TLK1: variants seen among roughly 807,000 people sequenced by gnomAD.
TLK1 encodes the protein tousled like kinase 1, also known as serine/threonine-protein kinase tousled-like 1.
Under a neutral mutation model 105.3 loss-of-function variants are expected in TLK1, and 24 were observed. The ratio of observed to expected loss-of-function variants is 0.23; its 90% CI spans 0.17 to 0.32. TLK1 has a LOEUF of 0.32. Ranked by LOEUF, TLK1 falls within the 10% of genes least tolerant of loss-of-function variation. TLK1 has a pLI of 1.00. For missense variants in TLK1, 558 were observed against 910.5 expected (o/e 0.61, Z 4.98); for synonymous variants, 321 against 310.4 (o/e 1.03, Z -0.36).
chr2:171,153,898 T>C (rs1418622765), intron 1 of TLK1: 1 of 152,276 alleles, frequency 6.6e-6, no homozygotes, highest in African/African-American at 2.4e-5. Context: ...AGATGTTTTC[T>C]TTTTTCTTTT....
At chr2:171,067,039 A>T in intron 3 of TLK1, 1 of 1,445,660 alleles carries the variant, frequency 6.9e-7, no homozygotes, top group Non-Finnish European at 9.2e-7. Context: ...GGAGTAACAT[A>T]CTCCTGTATC....
chr2:171,043,164 C>T (rs954106321), intron 11 of TLK1, among the ~76,000 whole-genome samples: 7 of 152,048 alleles, frequency 4.6e-5, no homozygotes, highest in African/African-American at 1.7e-4. Context: ...AGTGTCATCA[C>T]CTGAGTGGAC....
chr2:171,038,467 G>A lies in TLK1; in HGVS notation c.1169+7707C>T, dbSNP rs140704090. Among the ~76,000 whole-genome samples, 993 of 151,872 alleles carry A rather than the reference G, an allele frequency of 6.5e-3. 8 individuals carry two copies. The highest frequency in any genetic ancestry group is 0.015 in the African/African-American group (604 of 41,412). The stretch of plus-strand genomic sequence containing the variant: ...ATAACTAAAGCTATAATTTTCTCTC[G>A]ATACTCTTTCAGATACATTTTACCA... On this transcript the variant is annotated intron_variant, in intron 11 of 20. Coordinates refer to ENST00000431350, the MANE Select transcript of TLK1 (RefSeq NM_012290.5).
In TLK1 at chr2:170,993,380, G is replaced by C. The variant is rs1168905118; in HGVS notation, c.*400C>G. ...AGAAATATGTCTCATATTTTTCCATGTGTTTTTAAATAATGAAAAACTACC... is the reference window on the plus strand; with the variant it reads ...AGAAATATGTCTCATATTTTTCCATCTGTTTTTAAATAATGAAAAACTACC... On this transcript the variant is annotated 3_prime_UTR_variant, in exon 21 of 21. Coordinates refer to ENST00000431350, the MANE Select transcript of TLK1 (RefSeq NM_012290.5). 6.4e-6 allele frequency: 1 copy of C among 155,620 alleles called. No homozygotes were observed. The allele number at this position is 155,620 out of a possible 1,614,324, so 9.6% of individuals were successfully genotyped here.
intron 3 of TLK1, chr2:171,067,093 T>G: frequency 1.0e-6 from 1 of 976,688 alleles, no homozygotes; most frequent in Non-Finnish European, 1.4e-6. Flanking sequence ...CCTAGGTCTG[T>G]ACAATTATTT....
rs763983398 is a variant in TLK1 at position 171,006,460 on chromosome 2, A to C, written c.1768+14T>G. 9.6e-6 allele frequency: 15 copies of C among 1,556,766 alleles called. No homozygotes were observed. The highest frequency in any genetic ancestry group is 1.4e-5 in the African/African-American group (1 of 72,306). On this transcript the variant is annotated intron_variant, in intron 17 of 20. Transcript: ENST00000431350. ...ACTCAAGTTTAAAAAAAATTAGACA[A>C]ATTTCATAATTACCTGGCTTAAGAT...
intron 3 of TLK1, chr2:171,081,686 T>G (rs1688760141): frequency 3.1e-6 from 4 of 1,304,280 alleles, no homozygotes; most frequent in Non-Finnish European, 3.0e-6. Context: ...TGCACAGTCC[T>G]TTCAGCTGCC....
At chr2:171,033,734 A>G (rs1575534701) in intron 11 of TLK1, among the ~76,000 whole-genome samples, 1 of 150,324 alleles carries the variant, frequency 6.7e-6, no homozygotes, top group East Asian at 2.0e-4. Context: ...GTAGGCAAAC[A>G]CCACAATTAC....
intron 1 of TLK1, among the ~76,000 whole-genome samples, chr2:171,131,236 T>G (rs945880039): frequency 1.3e-5 from 2 of 152,166 alleles, no homozygotes; most frequent in Non-Finnish European, 2.9e-5. Flanking sequence ...CACAGGAAGT[T>G]ACAGACACTC....
chr2:171,051,585 T>G, intron 8 of TLK1, among the ~76,000 whole-genome samples: 1 of 152,216 alleles, frequency 6.6e-6, no homozygotes, highest in East Asian at 1.9e-4. Context: ...ACAAGGTCCC[T>G]TATGATACTG....
chr2:171,100,942 GAACA>G (rs1034959591), intron 2 of TLK1, among the ~76,000 whole-genome samples: 1 of 152,082 alleles, frequency 6.6e-6, no homozygotes, highest in African/African-American at 2.4e-5. Flanking sequence ...ACTCACAAAA[GAACA>G]AACAAAATGT....
In TLK1 at chr2:171,127,293, AG is replaced by A. The variant is rs372576048; in HGVS notation, c.140-9437del. 6.8e-3 allele frequency among the ~76,000 whole-genome samples: 414 copies of A among 60,972 alleles called. 3 individuals carry two copies. The highest frequency in any genetic ancestry group is 0.02 in the African/African-American group (162 of 8,060). 40.0% of individuals were successfully genotyped at this position (60,972 alleles called of 152,430 possible). A position where few individuals can be genotyped will look rare whatever the true frequency, so the allele number is the denominator to read the frequency against. On this transcript the variant is annotated intron_variant, in intron 1 of 20. Coordinates refer to ENST00000431350, the MANE Select transcript of TLK1 (RefSeq NM_012290.5). The stretch of plus-strand genomic sequence containing the variant: ...CTCCCGTCTCAAAAAAAAAAAAAAA[AG>A]AAAGAAAAAATTCAAGAAGTCTATA...
chr2:171,157,774 G>A (rs1195588422), intron 1 of TLK1, among the ~76,000 whole-genome samples: 1 of 152,154 alleles, frequency 6.6e-6, no homozygotes, highest in Non-Finnish European at 1.5e-5. Context: ...TCAAAGTTAA[G>A]TCTGCCTAAA....
intron 3 of TLK1, among the ~76,000 whole-genome samples, chr2:171,074,720 T>G (rs1302907737): frequency 6.6e-6 from 1 of 151,200 alleles, no homozygotes; most frequent in African/African-American, 2.4e-5. Flanking sequence ...GAGAACATAC[T>G]AGCAGGAAGA....
At chr2:171,105,425 C>T (rs1205149480) in intron 2 of TLK1, among the ~76,000 whole-genome samples, 3 of 152,232 alleles carry the variant, frequency 2.0e-5, no homozygotes, top group Non-Finnish European at 4.4e-5. Flanking sequence ...GTGGCTCACG[C>T]CTGTAATCCC....
intron 12 of TLK1, among the ~76,000 whole-genome samples, chr2:171,016,427 C>T (rs373205683): frequency 1.3e-5 from 2 of 152,284 alleles, no homozygotes; most frequent in African/African-American, 2.4e-5. Context: ...AGCCACCATG[C>T]CCGGCTTAGA....
chr2:171,084,287 C>A (rs376634708), intron 2 of TLK1, among the ~76,000 whole-genome samples: 2 of 152,106 alleles, frequency 1.3e-5, no homozygotes, highest in Non-Finnish European at 2.9e-5. Flanking sequence ...TGGGAGGAGT[C>A]CACGGTTACA....
rs1693538211 is a variant in TLK1 at position 171,207,995 on chromosome 2, G to C, written c.-6+23150C>G. ...GCCTGCCTCAGCCTCCCAAAGTGCT[G>C]GGATTACAGGTGTGAGCCACTGCGC... On this transcript the variant is annotated intron_variant, in intron 1 of 20. Coordinates refer to the TLK1 transcript ENST00000521943. Among the ~76,000 whole-genome samples the C allele has an allele frequency of 2.0e-5, 3 of 152,260 alleles. No individual in the cohort carries two copies. In the South Asian group the frequency reaches 6.2e-4, roughly 32 times the overall value.
intron 1 of TLK1, among the ~76,000 whole-genome samples, chr2:171,230,630 G>A (rs140762661): frequency 1.2e-4 from 19 of 152,186 alleles, no homozygotes; most frequent in Middle Eastern, 3.4e-3. Flanking sequence ...ATTTCCTCCC[G>A]TCTCCTTGTT....
Sources: allele counts gnomAD v4.1 joint callset (sites outside exome capture counted in the v4.1 genomes callset), GRCh38; gene constraint gnomAD v4.1.1; transcripts MANE v1.5; gene names NCBI Gene and HGNC (gene_info 2026-07-23, HGNC 2026-07-21).